Variants in TNFSF11 observed in about 807,000 individuals in gnomAD.
TNFSF11 encodes the protein TNF superfamily member 11.
TNFSF11 carries 12 observed loss-of-function variants against 32.2 expected under a neutral mutation model. The ratio of observed to expected loss-of-function variants is 0.37; its 90% CI spans 0.24 to 0.60. The LOEUF is 0.60. Among genes scored for constraint, TNFSF11 ranks in the 20% least tolerant of loss-of-function variants. TNFSF11 has a pLI of 0.66. For missense variants in TNFSF11, 345 were observed against 398.0 expected (o/e 0.87, Z 1.13); for synonymous variants, 172 against 152.1 (o/e 1.13, Z -0.96).
At chr13:42,567,637 T>TGGTA (rs1237185709) in intron 2 of TNFSF11, among the ~76,000 whole-genome samples, 2 of 152,146 alleles carry the variant, frequency 1.3e-5, no homozygotes. Context: ...CATGATGGGA[T>TGGTA]GGTAGGTCAG....
At chr13:42,604,582 G>C (rs1258996996) in intron 4 of TNFSF11, among the ~76,000 whole-genome samples, 1 of 152,156 alleles carries the variant, frequency 6.6e-6, no homozygotes, top group African/African-American at 2.4e-5. Flanking sequence ...CTCCCAAGTG[G>C]TTGAAAGAAC....
chr13:42,580,840 A>G (rs1873567171), intron 1 of TNFSF11, among the ~76,000 whole-genome samples: 1 of 152,154 alleles, frequency 6.6e-6, no homozygotes, highest in Non-Finnish European at 1.5e-5. Flanking sequence ...TTGTTAGACA[A>G]GTTTGACAAT....
chr13:42,605,498 G>A (rs573290853), intron 4 of TNFSF11, among the ~76,000 whole-genome samples: 2 of 152,268 alleles, frequency 1.3e-5, no homozygotes, highest in African/African-American at 2.4e-5. Context: ...TTATCACAGA[G>A]GTATTGCCAA....
At chr13:42,595,963 GGA>G (rs1868786691) in intron 2 of TNFSF11, among the ~76,000 whole-genome samples, 3 of 152,176 alleles carry the variant, frequency 2.0e-5, no homozygotes, top group Admixed American at 2.0e-4. Flanking sequence ...GGACTAATGT[GGA>G]TGAAAAGAAA....
At chr13:42,583,444 G>GAAAAAAA (rs71202227) in intron 2 of TNFSF11, among the ~76,000 whole-genome samples, 21,843 of 95,284 alleles carry the variant, frequency 0.23, 3,117 homozygotes, top group Middle Eastern at 0.37. Context: ...AAAAAGAAAG[G>GAAAAAAA]AAGAAAGGAA....
At chr13:42,597,904 C>CAGTGGCACTCACCTAGGCTGA (rs1868910680) in intron 2 of TNFSF11, among the ~76,000 whole-genome samples, 2 of 152,074 alleles carry the variant, frequency 1.3e-5, no homozygotes, top group Admixed American at 6.5e-5. Context: ...GGCTGGAGTG[C>CAGTGGCACTCACCTAGGCTGA]AGTGGCACGT....
intron 2 of TNFSF11, among the ~76,000 whole-genome samples, chr13:42,587,273 C>T (rs1380435620): frequency 1.3e-5 from 2 of 152,168 alleles, no homozygotes; most frequent in African/African-American, 4.8e-5. Flanking sequence ...ACTCATAAAC[C>T]ACATCTTGCT....
At chr13:42,599,559 G>T (rs566183467) in intron 2 of TNFSF11, among the ~76,000 whole-genome samples, 2 of 151,458 alleles carry the variant, frequency 1.3e-5, no homozygotes, top group African/African-American at 4.8e-5. Context: ...TATCTCTTTT[G>T]TTTTTTGTTT....
intron 4 of TNFSF11, among the ~76,000 whole-genome samples, chr13:42,606,279 A>G (rs1382965969): frequency 6.6e-6 from 1 of 152,150 alleles, no homozygotes; most frequent in African/African-American, 2.4e-5. Context: ...GGGCAGGAAA[A>G]ATGAGTTTTT....
chr13:42,574,346 T>C lies in TNFSF11; in HGVS notation c.43T>C (p.Ser15Pro). ...AGACTACACCAAGTACCTGCGTGGCTCGGAGGAGATGGGCGGCGGCCCCGG... is the reference window on the plus strand; with the variant it reads ...AGACTACACCAAGTACCTGCGTGGCCCGGAGGAGATGGGCGGCGGCCCCGG... ...SRDYTKYLRG[S>P]EEMGGGPGAP... The change falls in exon 1 of 5, where the codon TCG (serine) becomes CCG (proline). Residue 15 changes from serine to proline, a missense_variant. This residue lies in a region of TNFSF11 where 197 missense variants were observed against 182.0 expected (regional missense o/e 1.08). Transcript: ENST00000398795. The C allele has an allele frequency of 4.5e-6, 7 of 1,544,330 alleles. No individual in the cohort carries two copies. Among genetic ancestry groups the C allele is most frequent in the Non-Finnish European group, 6.1e-6 (7 of 1,145,572 alleles).
Position 42,606,877 on chromosome 13 carries a change from G to GCAACA in TNFSF11, c.914_918dup (p.Tyr307GlnfsTer12). The GCAACA allele has an allele frequency of 6.2e-7, 1 of 1,614,174 alleles. No homozygotes were observed. Among genetic ancestry groups the GCAACA allele is most frequent in the East Asian group, 2.2e-5 (1 of 44,886 alleles). On this transcript the variant is annotated frameshift_variant, in exon 5 of 5. Transcript: ENST00000398795. LOFTEE classifies it high-confidence loss of function. The stretch of plus-strand genomic sequence containing the variant: ...CTCCTTACTGGATCCGGATCAGGAT[G>GCAACA]CAACATACTTTGGGGCTTTTAAAGT...
chr13:42,598,503 C>A (rs2137898692), intron 2 of TNFSF11, among the ~76,000 whole-genome samples: 1 of 152,340 alleles, frequency 6.6e-6, no homozygotes, highest in Middle Eastern at 3.4e-3. Context: ...ACCCATCCAC[C>A]TGCCTGACAA....
At chr13:42,581,414 T>C in intron 2 of TNFSF11, 121 bp downstream of exon 2, 1 of 1,126,334 alleles carries the variant, frequency 8.9e-7, no homozygotes, top group Non-Finnish European at 1.3e-6. Flanking sequence ...GTAAAAGAGC[T>C]ACAGGGAATG....
rs1334123396 is a variant in TNFSF11, at chr13:42,581,310, G to T, written c.387+17G>T. On this transcript the variant is annotated intron_variant, in intron 2 of 4. Transcript: ENST00000398795. Reference sequence around the variant, plus strand: ...GTGCAAAAGGTAAGTCCACATCGAGGCTGATAAGTCAAGGGCCCTTGCTGA... The same window carrying T: ...GTGCAAAAGGTAAGTCCACATCGAGTCTGATAAGTCAAGGGCCCTTGCTGA... 1 of 1,613,780 alleles carries T rather than the reference G, an allele frequency of 6.2e-7. No homozygotes were observed.
In TNFSF11 at chr13:42,600,978, T is replaced by C. The variant is rs749608736; in HGVS notation, c.529T>C (p.Ser177Pro). Residue 177 changes from serine (S) to proline (P), a missense_variant, in exon 4 of 5, where the codon TCT (serine) becomes CCT (proline). This residue lies in a region of TNFSF11 where 148 missense variants were observed against 216.0 expected (regional missense o/e 0.69). Coordinates refer to ENST00000398795, the MANE Select transcript of TNFSF11 (RefSeq NM_003701.4). The stretch of plus-strand genomic sequence containing the variant: ...CACTATTAATGCCACCGACATCCCA[T>C]CTGGTAAGCTCTATCTGCATCCAGC... ...HLTINATDIPSGSHKVSLSSW... is the reference protein window; with the variant it reads ...HLTINATDIPPGSHKVSLSSW... The C allele has an allele frequency of 1.2e-6, 2 of 1,614,148 alleles. No homozygotes were observed. Among genetic ancestry groups the C allele is most frequent in the Non-Finnish European group, 1.7e-6 (2 of 1,179,976 alleles).
chr13:42,569,431 C>T (rs1487821154), upstream of TNFSF11, among the ~76,000 whole-genome samples: 1 of 151,800 alleles, frequency 6.6e-6, no homozygotes, highest in Non-Finnish European at 1.5e-5. Context: ...ACCTGTAGTC[C>T]CAGCTACTTG....
intron 2 of TNFSF11, among the ~76,000 whole-genome samples, chr13:42,592,793 T>A (rs1594472815): frequency 2.0e-5 from 3 of 152,314 alleles, no homozygotes; most frequent in Admixed American, 2.0e-4. Flanking sequence ...TCCCCCATGC[T>A]GTTCTCATGG....
intron 4 of TNFSF11, among the ~76,000 whole-genome samples, chr13:42,601,600 G>A (rs1187355579): frequency 6.6e-6 from 1 of 152,110 alleles, no homozygotes; most frequent in African/African-American, 2.4e-5. Flanking sequence ...ACCCCCACTG[G>A]TTACTTCACC....
intron 1 of TNFSF11, among the ~76,000 whole-genome samples, chr13:42,564,444 G>A (rs1872796220): frequency 1.3e-5 from 2 of 152,012 alleles, no homozygotes; most frequent in African/African-American, 2.4e-5. Context: ...GCACATGACT[G>A]CAATCCCACC....
Sources: gnomAD v4.1 joint callset for allele counts (sites outside exome capture counted in the v4.1 genomes callset) on GRCh38, gnomAD v4.1.1 for gene constraint, gnomAD v4.1.1 regional missense constraint, MANE v1.5 for transcripts, NCBI Gene and HGNC (gene_info 2026-07-23, HGNC 2026-07-21) for gene names.